ZCCHC7: variants seen among roughly 807,000 people sequenced by gnomAD.
The protein encoded by ZCCHC7 is zinc finger CCHC-type containing 7.
Under a neutral mutation model 52.0 loss-of-function variants are expected in ZCCHC7, and 35 were observed. The observed-to-expected ratio is 0.67, with a 90% CI of 0.51 to 0.89. The LOEUF (loss-of-function observed/expected upper bound fraction) is 0.89, where lower values mean the gene tolerates loss of function less well. Among genes scored for constraint, ZCCHC7 ranks in the 40% least tolerant of loss-of-function variants. ZCCHC7 has a pLI of 0.00. For synonymous variants in ZCCHC7, 217 were observed against 221.5 expected, an observed-to-expected ratio of 0.98 and a Z score of 0.18; for missense variants, 574 against 649.1, an observed-to-expected ratio of 0.88 and a Z score of 1.26.
chr9:37,154,608 A>G (rs1276141957), intron 2 of ZCCHC7, among the ~76,000 whole-genome samples: 1 of 152,008 alleles, frequency 6.6e-6, no homozygotes, highest in Middle Eastern at 3.4e-3. Context: ...TTATCCCCCA[A>G]GAGGCTGGGA....
At chr9:37,152,628 T>G (rs1264881105) in intron 2 of ZCCHC7, among the ~76,000 whole-genome samples, 1 of 152,198 alleles carries the variant, frequency 6.6e-6, no homozygotes, top group African/African-American at 2.4e-5. Context: ...TTTGATGTTT[T>G]TATTATCATT....
chr9:37,290,128 A>G (rs1313714269), intron 2 of ZCCHC7, among the ~76,000 whole-genome samples: 1 of 152,210 alleles, frequency 6.6e-6, no homozygotes. Context: ...CCACTAGACG[A>G]TAAGTTCTAT....
At chr9:37,124,546 G>A (rs1182362451) in intron 1 of ZCCHC7, among the ~76,000 whole-genome samples, 1 of 152,074 alleles carries the variant, frequency 6.6e-6, no homozygotes, top group African/African-American at 2.4e-5. Context: ...CTGCCCTCCT[G>A]GGATTTGTGA....
intron 2 of ZCCHC7, among the ~76,000 whole-genome samples, chr9:37,296,851 T>C (rs143509252): frequency 0.016 from 2,397 of 151,298 alleles, 34 homozygotes; most frequent in Non-Finnish European, 0.027. Context: ...TAGCTGGGAC[T>C]ATAGGCATGC....
intron 2 of ZCCHC7, among the ~76,000 whole-genome samples, chr9:37,181,466 C>T (rs372225456): frequency 3.9e-5 from 6 of 152,218 alleles, no homozygotes; most frequent in East Asian, 1.9e-4. Flanking sequence ...TGGAAATAAA[C>T]GCTATATCCA....
rs1194755762 is a variant in ZCCHC7, at chr9:37,184,687, T to G, written c.610+57745T>G. Among the ~76,000 whole-genome samples the G allele has an allele frequency of 2.7e-5, 4 of 150,470 alleles. No homozygotes were observed. In the East Asian group the frequency reaches 7.8e-4, roughly 29 times the overall value. ...CCAAGTTTTAACCTCTGTCTGGTGA[T>G]TTGTTGTTGTTGTTGTTGTTGTTGT... is the stretch of plus-strand genomic sequence containing the variant. On this transcript the variant is annotated intron_variant, in intron 2 of 8. Coordinates refer to ENST00000336755, the MANE Select transcript of ZCCHC7 (RefSeq NM_032226.3).
At chr9:37,193,264 AATT>A (rs1159600184) in intron 2 of ZCCHC7, among the ~76,000 whole-genome samples, 12 of 152,176 alleles carry the variant, frequency 7.9e-5, no homozygotes, top group Admixed American at 4.6e-4. Context: ...TTTAATAAGC[AATT>A]ATTAGGGTGG....
At chr9:37,209,942 T>C (rs1667770037) in intron 2 of ZCCHC7, among the ~76,000 whole-genome samples, 1 of 152,242 alleles carries the variant, frequency 6.6e-6, no homozygotes, top group South Asian at 2.1e-4. Flanking sequence ...GGACAGTTTT[T>C]TTTTCTCTTC....
At chr9:37,186,917 G>A (rs1447497863) in intron 2 of ZCCHC7, 2 of 323,584 alleles carry the variant, frequency 6.2e-6, no homozygotes, top group African/African-American at 4.2e-5. Flanking sequence ...CACTTGATAG[G>A]TGCTTTGACT....
chr9:37,135,545 C>T (rs1842962959), intron 2 of ZCCHC7, among the ~76,000 whole-genome samples: 1 of 152,100 alleles, frequency 6.6e-6, no homozygotes. Context: ...ATGTAGAGCT[C>T]CTTCAGTATG....
At chr9:37,331,105 A>G (rs1010358815) in intron 6 of ZCCHC7, among the ~76,000 whole-genome samples, 1 of 151,696 alleles carries the variant, frequency 6.6e-6, no homozygotes, top group African/African-American at 2.4e-5. Flanking sequence ...ATTTTAACTG[A>G]AGGTTTAAGC....
chr9:37,183,870 C>T (rs7869577), intron 2 of ZCCHC7, among the ~76,000 whole-genome samples: 7,679 of 152,276 alleles, frequency 0.05, 636 homozygotes, highest in African/African-American at 0.17. Flanking sequence ...AGAGTCTACA[C>T]GCTGAACAAC....
intron 2 of ZCCHC7, chr9:37,205,018 G>A (rs1268176112): frequency 6.5e-6 from 1 of 154,960 alleles, no homozygotes; most frequent in Non-Finnish European, 1.4e-5. Flanking sequence ...TTTAAGATAT[G>A]TTTGGGTCAT....
intron 2 of ZCCHC7, among the ~76,000 whole-genome samples, chr9:37,128,398 T>C (rs1274363385): frequency 6.6e-6 from 1 of 152,070 alleles, no homozygotes; most frequent in Non-Finnish European, 1.5e-5. Context: ...GCTTAGAATG[T>C]GGAAGGGATG....
In ZCCHC7 at chr9:37,162,206, T is replaced by C. The variant is rs572965602; in HGVS notation, c.610+35264T>C. On this transcript the variant is annotated intron_variant, in intron 2 of 8. Transcript: ENST00000336755. ...ATACTTATATACTACATATAATACA[T>C]AGAATTATACATAATATACTATAGT... 2.6e-5 allele frequency among the ~76,000 whole-genome samples: 4 copies of C among 152,118 alleles called. No homozygotes were observed. In the South Asian group the frequency reaches 8.3e-4, roughly 31 times the overall value.
chr9:37,269,826 C>T (rs1276101354), intron 2 of ZCCHC7, among the ~76,000 whole-genome samples: 2 of 151,954 alleles, frequency 1.3e-5, no homozygotes, highest in South Asian at 2.1e-4. Context: ...TTGTGCCCTG[C>T]GTATGCTAAG....
intron 2 of ZCCHC7, among the ~76,000 whole-genome samples, chr9:37,158,271 T>C (rs1820919774): frequency 6.6e-6 from 1 of 152,214 alleles, no homozygotes; most frequent in African/African-American, 2.4e-5. Context: ...TGGATACGTA[T>C]GTAGTTACTT....
chr9:37,215,094 A>AG (rs1389408782), intron 2 of ZCCHC7, among the ~76,000 whole-genome samples: 2 of 152,144 alleles, frequency 1.3e-5, no homozygotes, highest in East Asian at 3.8e-4. Flanking sequence ...TGATGAACAG[A>AG]GGGAAAAATC....
intron 7 of ZCCHC7, among the ~76,000 whole-genome samples, chr9:37,351,414 T>C (rs939548968): frequency 1.3e-5 from 2 of 152,114 alleles, no homozygotes; most frequent in East Asian, 3.9e-4. Context: ...CAAGTGATCC[T>C]CCCACCTCAG....
Sources: gnomAD v4.1 joint callset for allele counts (sites outside exome capture counted in the v4.1 genomes callset) on GRCh38, gnomAD v4.1.1 for gene constraint, MANE v1.5 for transcripts, NCBI Gene and HGNC (gene_info 2026-07-23, HGNC 2026-07-21) for gene names.